Variants in LMF1 observed in about 807,000 individuals in gnomAD.
The protein encoded by LMF1 is transmembrane protein 112.
In LMF1, 68 loss-of-function variants were observed where a neutral mutation model predicts 60.6. The ratio of observed to expected loss-of-function variants is 1.12; its 90% CI spans 0.92 to 1.37. LMF1 has a LOEUF of 1.37. Among genes scored for constraint, LMF1 ranks in the 40% most tolerant of loss-of-function variants. The pLI, the probability that LMF1 is intolerant of heterozygous loss-of-function variation, is 0.00. For missense variants in LMF1, 948 were observed against 767.2 expected (o/e 1.24, Z -2.78); for synonymous variants, 418 against 324.7 (o/e 1.29, Z -3.09).
chr16:859,475 C>T (rs1315793761), intron 10 of LMF1, among the ~76,000 whole-genome samples: 17 of 57,672 alleles, frequency 2.9e-4, no homozygotes, highest in East Asian at 5.6e-4. Flanking sequence ...TGTCTCGGGA[C>T]GGGTGTGAGT....
rs7192815 is a variant in LMF1, at chr16:853,702, A to G, written c.*830T>C. ...AATATGCCATAGCTATGGCTCAAGA[A>G]TAGGAATAAGAAAAATGTGCAGTAG... On this transcript the variant is annotated 3_prime_UTR_variant, in exon 11 of 11. Transcript: ENST00000262301. The G allele has an allele frequency of 3.8e-3, 1,716 of 454,110 alleles. 31 individuals carry two copies. Among genetic ancestry groups the G allele is most frequent in the African/African-American group, 0.031 (1,530 of 50,120 alleles). The allele number at this position is 454,110 out of a possible 1,614,324, so 28.1% of individuals were successfully genotyped here.
intron 5 of LMF1, among the ~76,000 whole-genome samples, chr16:880,074 G>A (rs1313677269): frequency 2.6e-5 from 4 of 152,216 alleles, no homozygotes; most frequent in Non-Finnish European, 2.9e-5. Context: ...GGCAGTCGGA[G>A]AACGCGCCGC....
intron 10 of LMF1, among the ~76,000 whole-genome samples, chr16:856,790 G>T (rs1596820964): frequency 6.6e-6 from 1 of 152,246 alleles, no homozygotes; most frequent in East Asian, 1.9e-4. Flanking sequence ...CACCGCCCCG[G>T]AGGGCTTGAG....
chr16:875,722 CCAG>C (rs2069953303), intron 6 of LMF1, among the ~76,000 whole-genome samples: 2 of 152,086 alleles, frequency 1.3e-5, no homozygotes, highest in African/African-American at 2.4e-5. Context: ...GGCTGTGTGT[CCAG>C]GGGTGCCCTT....
In LMF1 at chr16:871,242, G is replaced by A. The variant is rs758773994; in HGVS notation, c.997C>T (p.Pro333Ser). ...FDDATLGFLF[P>S]SGPGSLKDRV... ...TCCTTCAGGCTGCCTGGCCCAGAGG[G>A]GAACAAGAATCCCAGGGTGGCGTCA... is the stretch of plus-strand genomic sequence containing the variant. The change falls in exon 7 of 11, where the codon CCC (proline) becomes TCC (serine). Residue 333 changes from proline to serine, a missense_variant. Transcript: ENST00000262301. The A allele has an allele frequency of 2.0e-5, 32 of 1,612,266 alleles. No individual in the cohort carries two copies. In the South Asian group the frequency reaches 2.7e-4, roughly 14 times the overall value.
Position 871,178 on chromosome 16 carries a change from C to CG in LMF1, c.1060dup (p.Arg354ProfsTer94). On this transcript the variant is annotated frameshift_variant, in exon 7 of 11. Transcript: ENST00000262301. LOFTEE classifies it high-confidence loss of function. ...CCACCTACCGAATCTGGGCTCGGGCCGGGCCCCTCGGATGTCCCTCTGCAT... is the reference window on the plus strand; with the variant it reads ...CCACCTACCGAATCTGGGCTCGGGCCGGGGCCCCTCGGATGTCCCTCTGCAT... The CG allele has an allele frequency of 6.2e-7, 1 of 1,602,344 alleles. No homozygotes were observed. The highest frequency in any genetic ancestry group is 8.5e-7 in the Non-Finnish European group (1 of 1,175,212).
At chr16:893,589 T>G (rs4984709) in intron 4 of LMF1, among the ~76,000 whole-genome samples, 57,714 of 151,922 alleles carry the variant, frequency 0.38, 12,077 homozygotes, top group African/African-American at 0.54. Context: ...CTGTGAGGAC[T>G]CCTGGGGCAC....
At chr16:895,105 G>A (rs879885737) in intron 4 of LMF1, among the ~76,000 whole-genome samples, 10 of 152,184 alleles carry the variant, frequency 6.6e-5, no homozygotes, top group Non-Finnish European at 1.3e-4. Flanking sequence ...CTGCCACGGC[G>A]CCAGTCGCGG....
Position 870,875 on chromosome 16 carries a change from C to A in LMF1, c.1086G>T (p.Val362=). The change falls in exon 8 of 11, where the codon GTG becomes GTT. Residue 362 remains valine (V), a synonymous_variant. Coordinates refer to ENST00000262301, the MANE Select transcript of LMF1 (RefSeq NM_022773.4). ...GCGAGACGTTGGCTGCACGCCGCACCACGGAGCCTGGCAGGGGAGTGACAT... is the reference window on the plus strand; with the variant it reads ...GCGAGACGTTGGCTGCACGCCGCACAACGGAGCCTGGCAGGGGAGTGACAT... ...GARPEPRFGS[V]VRRAANVSLG... The A allele has an allele frequency of 6.2e-7, 1 of 1,607,248 alleles. No individual in the cohort carries two copies. Among genetic ancestry groups the A allele is most frequent in the Non-Finnish European group, 8.5e-7 (1 of 1,179,120 alleles).
chr16:879,848 T>TC, intron 5 of LMF1, 111 bp from the exon 6 acceptor site: 4 of 1,095,826 alleles, frequency 3.7e-6, no homozygotes, highest in Non-Finnish European at 3.9e-6. Context: ...GCACACAGGA[T>TC]CCCCCCGGCC....
intron 1 of LMF1, chr16:976,911 G>A (rs757802509): frequency 4.0e-5 from 18 of 454,036 alleles, no homozygotes; most frequent in East Asian, 6.9e-5. Flanking sequence ...GCGGGTTCAC[G>A]GATCAGGAGG....
chr16:854,786 G>T, intron 10 of LMF1, 80 bp from the exon 11 acceptor site: 1 of 1,312,374 alleles, frequency 7.6e-7, no homozygotes, highest in Non-Finnish European at 1.1e-6. Flanking sequence ...CTGCTGAGCT[G>T]CAGCTGCTCA....
At chr16:908,119 C>G (rs865812428) in intron 4 of LMF1, among the ~76,000 whole-genome samples, 16 of 152,192 alleles carry the variant, frequency 1.1e-4, no homozygotes, top group South Asian at 2.1e-4. Context: ...ATGCTGCATC[C>G]ACATCTGTGC....
intron 2 of LMF1, among the ~76,000 whole-genome samples, chr16:951,311 C>A (rs1044122072): frequency 6.7e-6 from 1 of 148,804 alleles, no homozygotes; most frequent in African/African-American, 2.5e-5. Flanking sequence ...GAGCCAATGA[C>A]AGAGTCAGAG....
At chr16:973,387 C>T (rs995965063), upstream of LMF1, among the ~76,000 whole-genome samples, 7 of 152,178 alleles carry the variant, frequency 4.6e-5, no homozygotes, top group Non-Finnish European at 8.8e-5. Flanking sequence ...AGTTCTGACA[C>T]GTGCTACAAC....
rs531415593 is a variant in LMF1 at position 879,647 on chromosome 16, C to T, written c.820G>A (p.Glu274Lys). 4.9e-5 allele frequency: 79 copies of T among 1,613,104 alleles called. No individual in the cohort carries two copies. Among genetic ancestry groups the T allele is most frequent in the Non-Finnish European group, 6.4e-5 (75 of 1,179,624 alleles). The change falls in exon 6 of 11, where the codon GAG (glutamate) becomes AAG (lysine). Residue 274 changes from glutamate (E) to lysine (K), a missense_variant. By Grantham distance (56) the Glu-to-Lys change is moderately conservative. Coordinates refer to ENST00000262301, the MANE Select transcript of LMF1 (RefSeq NM_022773.4). ...AAGAGGAAGAAGGGCACCAGGAGCT[C>T]GATGAAGTGGTTGCTGAGCGTCTCG... ...RFETLSNHFI[E>K]LLVPFFLFLG...
chr16:971,099 G>T (rs942182985), upstream of LMF1: 4 of 1,076,450 alleles, frequency 3.7e-6, no homozygotes, highest in Admixed American at 4.1e-5. Flanking sequence ...CCCACACCCC[G>T]GGAGGCCCCG....
At chr16:939,245 C>T (rs1246435226) in intron 2 of LMF1, among the ~76,000 whole-genome samples, 3 of 113,718 alleles carry the variant, frequency 2.6e-5, no homozygotes, top group African/African-American at 1.4e-4. Context: ...AACAGGACAA[C>T]AGCACGCTGT....
chr16:944,833 A>G (rs1007456705), intron 2 of LMF1, among the ~76,000 whole-genome samples: 2 of 152,036 alleles, frequency 1.3e-5, no homozygotes, highest in Non-Finnish European at 1.5e-5. Context: ...TCTCGTCTCA[A>G]TTGTCATCCC....
Sources: gnomAD v4.1 joint callset for allele counts (sites outside exome capture counted in the v4.1 genomes callset) on GRCh38, gnomAD v4.1.1 for gene constraint, MANE v1.5 for transcripts, NCBI Gene and HGNC (gene_info 2026-07-23, HGNC 2026-07-21) for gene names.